ADCY8: variants seen among roughly 807,000 people sequenced by gnomAD.
ADCY8 encodes adenylate cyclase type 8.
In ADCY8, 51 loss-of-function variants were observed where a neutral mutation model predicts 119.7. That is an observed-to-expected ratio of 0.43 (90% CI 0.34 to 0.54). The LOEUF (loss-of-function observed/expected upper bound fraction) is 0.54, where lower values mean the gene tolerates loss of function less well. ADCY8 is among the 20% of genes least tolerant of loss of function. ADCY8 has a pLI of 0.03. For synonymous variants in ADCY8, 665 were observed against 651.0 expected (o/e 1.02, Z -0.33); for missense variants, 1,383 against 1,598.8 (o/e 0.87, Z 2.30).
rs778517038 is a variant in ADCY8 at position 130,904,021 on chromosome 8, G to A, written c.1662C>T (p.Ala554=). 6.2e-7 allele frequency: 1 copy of A among 1,613,070 alleles called. No individual in the cohort carries two copies. Among genetic ancestry groups the A allele is most frequent in the South Asian group, 1.1e-5 (1 of 91,012 alleles). ...AGTCACCGTTGAGACAGTCCAGCGT[G>A]GCTTTGGAAATGTGAATCCTCCTGT... The part of the protein sequence containing the change: ...GIPGRIHISK[A]TLDCLNGDYN... The change falls in exon 7 of 18, where the codon GCC becomes GCT. Residue 554 remains alanine, a synonymous_variant. Transcript: ENST00000286355.
At chr8:131,011,172 A>G (rs1823289651) in intron 1 of ADCY8, among the ~76,000 whole-genome samples, 1 of 92,412 alleles carries the variant, frequency 1.1e-5, no homozygotes, top group Non-Finnish European at 2.0e-5. Context: ...AGTTTATTGA[A>G]TGAAAAAAAA....
At chr8:131,015,170 G>A (rs1190438777) in intron 1 of ADCY8, among the ~76,000 whole-genome samples, 2 of 152,158 alleles carry the variant, frequency 1.3e-5, no homozygotes, top group African/African-American at 4.8e-5. Flanking sequence ...AGGCTCTGAG[G>A]ATATGTCAGT....
At chr8:130,880,830 G>A (rs746414699) in intron 8 of ADCY8, among the ~76,000 whole-genome samples, 4 of 152,136 alleles carry the variant, frequency 2.6e-5, no homozygotes, top group Non-Finnish European at 5.9e-5. Flanking sequence ...CTACTCTCCT[G>A]GGCAAACCAG....
intron 10 of ADCY8, among the ~76,000 whole-genome samples, chr8:130,849,245 T>C (rs1223760602): frequency 6.6e-6 from 1 of 152,080 alleles, no homozygotes; most frequent in Non-Finnish European, 1.5e-5. Context: ...ATATGAAAAA[T>C]ATGTAAAGGT....
chr8:131,020,974 A>T (rs1318373775), intron 1 of ADCY8, among the ~76,000 whole-genome samples: 2 of 152,200 alleles, frequency 1.3e-5, no homozygotes, highest in South Asian at 4.1e-4. Context: ...AATATGGAGC[A>T]AAGCAAAACA....
chr8:130,976,280 G>A (rs767345047), intron 2 of ADCY8, among the ~76,000 whole-genome samples: 1 of 152,168 alleles, frequency 6.6e-6, no homozygotes, highest in Non-Finnish European at 1.5e-5. Flanking sequence ...AGGGGCTTGC[G>A]AGTGAAGGCC....
chr8:130,890,951 A>T (rs1176082477), intron 7 of ADCY8, among the ~76,000 whole-genome samples: 1 of 152,180 alleles, frequency 6.6e-6, no homozygotes, highest in Non-Finnish European at 1.5e-5. Context: ...GCTGATATGG[A>T]AAAGACCTAG....
chr8:130,799,669 A>G (rs1314363279), intron 15 of ADCY8, among the ~76,000 whole-genome samples: 1 of 152,248 alleles, frequency 6.6e-6, no homozygotes, highest in African/African-American at 2.4e-5. Flanking sequence ...GCCCATGACC[A>G]ATAATGACTG....
At chr8:130,929,311 T>C (rs895307657) in intron 5 of ADCY8, among the ~76,000 whole-genome samples, 2 of 152,160 alleles carry the variant, frequency 1.3e-5, no homozygotes. Flanking sequence ...ATAACTGCCT[T>C]TGCTGTATCC....
intron 2 of ADCY8, among the ~76,000 whole-genome samples, chr8:130,976,051 T>C (rs1163735059): frequency 1.3e-5 from 2 of 152,212 alleles, no homozygotes; most frequent in Non-Finnish European, 2.9e-5. Flanking sequence ...TTTGGAAAAC[T>C]GCAAATGGTG....
intron 12 of ADCY8, among the ~76,000 whole-genome samples, chr8:130,835,903 G>A (rs935718068): frequency 6.6e-6 from 1 of 152,136 alleles, no homozygotes; most frequent in African/African-American, 2.4e-5. Flanking sequence ...ACTGTACGAT[G>A]CAATGGGAGA....
rs924328088 is a variant in ADCY8 at position 130,884,818 on chromosome 8, A to G, written c.1912-57T>C. The G allele has an allele frequency of 3.9e-6, 6 of 1,524,852 alleles. No homozygotes were observed. In the African/African-American group the frequency reaches 6.8e-5, roughly 17 times the overall value. The allele number at this position is 1,524,852 out of a possible 1,614,324, so 94.5% of individuals were successfully genotyped here. A position where few individuals can be genotyped will look rare whatever the true frequency, so the allele number is the denominator to read the frequency against. On this transcript the variant is annotated intron_variant, in intron 7 of 17. Coordinates refer to ENST00000286355, the MANE Select transcript of ADCY8 (RefSeq NM_001115.3). ...CCTGCTAGTCCCCTTTAGATAAAACAGAAATGCAATGTTTTTAAATCATGT... is the reference window on the plus strand; with the variant it reads ...CCTGCTAGTCCCCTTTAGATAAAACGGAAATGCAATGTTTTTAAATCATGT...
At chr8:131,034,273 G>A (rs1824082717) in intron 1 of ADCY8, among the ~76,000 whole-genome samples, 1 of 152,042 alleles carries the variant, frequency 6.6e-6, no homozygotes, top group Admixed American at 6.6e-5. Flanking sequence ...AATATCTTAT[G>A]TTTAAACTGT....
rs775003411 is a variant in ADCY8, at chr8:130,990,548, A to G, written c.961-6T>C. 1.9e-6 allele frequency: 3 copies of G among 1,613,028 alleles called. No homozygotes were observed. The highest frequency in any genetic ancestry group is 1.7e-4 in the Middle Eastern group (1 of 6,044). On this transcript the variant is annotated splice_region_variant and splice_polypyrimidine_tract_variant and intron_variant, in intron 1 of 17. Coordinates refer to ENST00000286355, the MANE Select transcript of ADCY8 (RefSeq NM_001115.3). ...AGCACTGCCTGGGCCACAACCTAAA[A>G]TAAACACAGTCTGGTCAGGCGCTTA...
At chr8:131,014,253 A>G (rs1222161966) in intron 1 of ADCY8, among the ~76,000 whole-genome samples, 2 of 152,160 alleles carry the variant, frequency 1.3e-5, no homozygotes, top group Non-Finnish European at 2.9e-5. Flanking sequence ...AAATTTACTC[A>G]TTTCACGTTT....
intron 5 of ADCY8, among the ~76,000 whole-genome samples, chr8:130,931,139 C>T (rs112097530): frequency 6.6e-5 from 10 of 152,258 alleles, no homozygotes; most frequent in African/African-American, 2.4e-4. Flanking sequence ...TGATGAATTC[C>T]CTCAGCTTTT....
rs140417718 is a variant in ADCY8 at position 130,787,921 on chromosome 8, G to A, written c.3061-2446C>T. 1.3e-3 allele frequency among the ~76,000 whole-genome samples: 197 copies of A among 152,324 alleles called. 2 individuals carry two copies. The highest frequency in any genetic ancestry group is 4.5e-3 in the African/African-American group (186 of 41,574). ...TCCACATGTGTGCATGTGTGTGTGC[G>A]TTTGTGTTCGGGGCAGTCAGGCGGC... On this transcript the variant is annotated intron_variant, in intron 15 of 17. Transcript: ENST00000286355.
At chr8:130,981,982 G>A (rs1822253871) in intron 2 of ADCY8, among the ~76,000 whole-genome samples, 1 of 152,128 alleles carries the variant, frequency 6.6e-6, no homozygotes, top group African/African-American at 2.4e-5. Context: ...ATCTAAGGTT[G>A]GTGTACACAC....
At chr8:130,936,286 C>T (rs1563735698) in intron 5 of ADCY8, among the ~76,000 whole-genome samples, 2 of 152,128 alleles carry the variant, frequency 1.3e-5, no homozygotes, top group Non-Finnish European at 2.9e-5. Context: ...ATTCCTTCCC[C>T]CTTGATCCAT....
Sources: gnomAD v4.1 joint callset for allele counts (sites outside exome capture counted in the v4.1 genomes callset) on GRCh38, gnomAD v4.1.1 for gene constraint, MANE v1.5 for transcripts, NCBI Gene and HGNC (gene_info 2026-07-23, HGNC 2026-07-21) for gene names.